Variants in TMEM117 observed in about 807,000 individuals in gnomAD.
The protein encoded by TMEM117 is transmembrane protein 117.
In TMEM117, 27 loss-of-function variants were observed where a neutral mutation model predicts 52.4. The ratio of observed to expected loss-of-function variants is 0.51; its 90% CI spans 0.38 to 0.71. The LOEUF (loss-of-function observed/expected upper bound fraction) is 0.71. TMEM117 is among the 30% of genes least tolerant of loss of function. The pLI is 0.00. For missense variants in TMEM117, 556 were observed against 630.5 expected, an observed-to-expected ratio of 0.88 and a Z score of 1.26; for synonymous variants, 215 against 206.3, an observed-to-expected ratio of 1.04 and a Z score of -0.36.
chr12:43,867,237 G>A lies in TMEM117; in HGVS notation c.277+22309G>A, dbSNP rs577412165. 3.6e-3 allele frequency among the ~76,000 whole-genome samples: 547 copies of A among 152,292 alleles called. 1 individual carries two copies. Among genetic ancestry groups the A allele is most frequent in the Non-Finnish European group, 6.6e-3 (449 of 68,020 alleles). On this transcript the variant is annotated intron_variant, in intron 2 of 7. Coordinates refer to ENST00000266534, the MANE Select transcript of TMEM117 (RefSeq NM_032256.3). ...GGAATTACACTTTAGCAAGATTCTT[G>A]TATTTTATATGAAGTGGCACAATGT...
chr12:44,389,048 C>G lies in TMEM117; in HGVS notation c.*376C>G. ...TGTGGAACAGTTACCTAACCTATTT[C>G]ACATGGGCGTTTTGTATACAACTAT... On this transcript the variant is annotated 3_prime_UTR_variant, in exon 8 of 8. Transcript: ENST00000266534. 1 of 183,258 alleles carries G rather than the reference C, an allele frequency of 5.5e-6. No homozygotes were observed. Among genetic ancestry groups the G allele is most frequent in the East Asian group, 1.3e-4 (1 of 7,702 alleles). 11.4% of individuals were successfully genotyped at this position (183,258 alleles called of 1,614,324 possible).
chr12:44,092,861 A>C (rs1947697132), intron 3 of TMEM117, among the ~76,000 whole-genome samples: 1 of 152,194 alleles, frequency 6.6e-6, no homozygotes, highest in African/African-American at 2.4e-5. Context: ...ATGACCACAT[A>C]ATCTTGTGAA....
chr12:44,393,984 A>G (rs1381776401), downstream of TMEM117, among the ~76,000 whole-genome samples: 2 of 152,200 alleles, frequency 1.3e-5, no homozygotes, highest in African/African-American at 4.8e-5. Flanking sequence ...TGTTTTGAAC[A>G]CATCCCCAGG....
chr12:44,233,516 G>A (rs1334034065), intron 5 of TMEM117, among the ~76,000 whole-genome samples: 1 of 150,876 alleles, frequency 6.6e-6, no homozygotes, highest in Non-Finnish European at 1.5e-5. Context: ...TAATTACTTG[G>A]TTAACTATTT....
chr12:43,843,675 A>T (rs935351623), intron 1 of TMEM117, among the ~76,000 whole-genome samples: 19 of 152,184 alleles, frequency 1.2e-4, no homozygotes, highest in Admixed American at 9.2e-4. Flanking sequence ...CTAGTAAAAA[A>T]ATTCTACTAA....
At chr12:44,065,155 C>T (rs759320449) in intron 3 of TMEM117, among the ~76,000 whole-genome samples, 16 of 152,046 alleles carry the variant, frequency 1.1e-4, no homozygotes, top group East Asian at 1.9e-4. Context: ...GAGGCTGAGG[C>T]GGGCAGATCA....
At position 44,029,267 on chromosome 12, in the gene TMEM117, C is replaced by T. The variant is rs200731270; in HGVS notation, c.410+84925C>T. Among the ~76,000 whole-genome samples, 52 of 152,254 alleles carry T rather than the reference C, an allele frequency of 3.4e-4. No homozygotes were observed. The East Asian group carries it at 6.4e-3, about 19-fold the overall frequency. On this transcript the variant is annotated intron_variant, in intron 3 of 7. Transcript: ENST00000266534. Reference sequence around the variant, plus strand: ...AAGTCCCTCTTGGTAGAGTCCTTCTCGTTTAAGTCCTTCTCGGCTAAGAAT... The same window carrying T: ...AAGTCCCTCTTGGTAGAGTCCTTCTTGTTTAAGTCCTTCTCGGCTAAGAAT...
At chr12:44,303,542 T>C (rs1950868756) in intron 6 of TMEM117, among the ~76,000 whole-genome samples, 2 of 152,350 alleles carry the variant, frequency 1.3e-5, no homozygotes, top group South Asian at 2.1e-4. Flanking sequence ...TCTGTGGTTT[T>C]AGTAAACTCA....
intron 4 of TMEM117, among the ~76,000 whole-genome samples, chr12:44,151,951 A>G (rs1467082060): frequency 8.2e-6 from 1 of 122,454 alleles, no homozygotes; most frequent in Non-Finnish European, 1.6e-5. Flanking sequence ...TATATTACAT[A>G]ATATATTATA....
chr12:43,972,317 T>G (rs1046328528), intron 3 of TMEM117, among the ~76,000 whole-genome samples: 2 of 152,136 alleles, frequency 1.3e-5, no homozygotes, highest in Non-Finnish European at 2.9e-5. Flanking sequence ...GTGTCCAGAG[T>G]TGGTTCCTTC....
intron 5 of TMEM117, among the ~76,000 whole-genome samples, chr12:44,264,334 C>G (rs1178417977): frequency 6.6e-6 from 1 of 152,124 alleles, no homozygotes; most frequent in African/African-American, 2.4e-5. Flanking sequence ...TTACTTTTCC[C>G]TCACCAAGCA....
rs138211305 is a variant in TMEM117 at position 44,365,121 on chromosome 12, G to C, written c.769-11474G>C. 1.4e-4 allele frequency among the ~76,000 whole-genome samples: 22 copies of C among 152,178 alleles called. No homozygotes were observed. In the East Asian group the frequency reaches 4.2e-3, roughly 29 times the overall value. Reference sequence around the variant, plus strand: ...TTAGAGCCAAATCTATGCATTGGCAGTAAAAATTCTAAGATGGCCATAAAC... The same window carrying C: ...TTAGAGCCAAATCTATGCATTGGCACTAAAAATTCTAAGATGGCCATAAAC... On this transcript the variant is annotated intron_variant, in intron 6 of 7. Coordinates refer to ENST00000266534, the MANE Select transcript of TMEM117 (RefSeq NM_032256.3).
intron 5 of TMEM117, among the ~76,000 whole-genome samples, chr12:44,259,500 C>T (rs905834169): frequency 7.2e-5 from 11 of 152,060 alleles, no homozygotes; most frequent in African/African-American, 2.2e-4. Context: ...CATGAAGATA[C>T]GGACTTCTTT....
At chr12:44,126,355 G>A (rs1343287715) in intron 3 of TMEM117, among the ~76,000 whole-genome samples, 2 of 152,102 alleles carry the variant, frequency 1.3e-5, no homozygotes, top group Non-Finnish European at 2.9e-5. Flanking sequence ...ACAATGCTTG[G>A]TTTAGTTTGA....
At chr12:43,796,396 G>A in the TMEM117 span, among the ~76,000 whole-genome samples, 2 of 151,998 alleles carry the variant, frequency 1.3e-5, no homozygotes. Flanking sequence ...GAGTTTAAGG[G>A]CTCAAGAATA....
At chr12:43,906,463 A>C (rs1375757553) in intron 2 of TMEM117, among the ~76,000 whole-genome samples, 2 of 15,152 alleles carry the variant, frequency 1.3e-4, no homozygotes, top group African/African-American at 1.5e-4. Flanking sequence ...ACGCTGTCTC[A>C]AAAAAAAAAA....
At chr12:43,931,938 G>GT (rs764053876) in intron 2 of TMEM117, among the ~76,000 whole-genome samples, 19 of 152,270 alleles carry the variant, frequency 1.2e-4, no homozygotes, top group Admixed American at 3.3e-4. Flanking sequence ...TTTTCTCAGT[G>GT]TTTTTATGGG....
chr12:44,260,283 A>C (rs1950305894), intron 5 of TMEM117, among the ~76,000 whole-genome samples: 1 of 152,224 alleles, frequency 6.6e-6, no homozygotes, highest in African/African-American at 2.4e-5. Context: ...TGTGTCTTAC[A>C]GACTCACTTG....
At chr12:44,126,405 A>G (rs966276239) in intron 3 of TMEM117, among the ~76,000 whole-genome samples, 5 of 152,182 alleles carry the variant, frequency 3.3e-5, no homozygotes, top group African/African-American at 9.7e-5. Flanking sequence ...TAACTCTATA[A>G]GGTGGAATTT....
Sources: gnomAD v4.1 joint callset for allele counts (sites outside exome capture counted in the v4.1 genomes callset) on GRCh38, gnomAD v4.1.1 for gene constraint, MANE v1.5 for transcripts, NCBI Gene and HGNC (gene_info 2026-07-23, HGNC 2026-07-21) for gene names.